DDX55: variants seen among roughly 807,000 people sequenced by gnomAD.
The protein encoded by DDX55 is ATP-dependent RNA helicase DDX55.
A neutral mutation model predicts 69.2 loss-of-function variants in DDX55; 56 were observed. The observed-to-expected ratio is 0.81, with a 90% CI of 0.65 to 1.01. DDX55 has a LOEUF of 1.01. DDX55 is among the 50% of genes least tolerant of loss of function. The probability of loss-of-function intolerance (pLI) is 0.00; values close to 1 mark genes in which losing one functional copy is unlikely to be tolerated. For missense variants in DDX55, 720 were observed against 745.1 expected (o/e 0.97, Z 0.39); for synonymous variants, 268 against 273.1 (o/e 0.98, Z 0.18).
intron 1 of DDX55, among the ~76,000 whole-genome samples, chr12:123,603,072 A>AG (rs1176503129): frequency 6.6e-6 from 1 of 152,170 alleles, no homozygotes; most frequent in African/African-American, 2.4e-5. Flanking sequence ...GAACATCAAG[A>AG]GTAGTGTAAG....
chr12:123,610,904 GTT>G (rs1257621466), intron 7 of DDX55, among the ~76,000 whole-genome samples: 2 of 115,566 alleles, frequency 1.7e-5, no homozygotes, highest in African/African-American at 7.4e-5. Flanking sequence ...TTTTTTGTTT[GTT>G]TTTTTTTGTT....
At position 123,615,165 on chromosome 12, in the gene DDX55, G is replaced by A. The variant is rs542484971; in HGVS notation, c.825-20G>A. On this transcript the variant is annotated intron_variant, in intron 8 of 13. Coordinates refer to ENST00000238146, the MANE Select transcript of DDX55 (RefSeq NM_020936.3). ...GGACCAAAGTGGCCAATGACTCTAA[G>A]CCCTCTGTCCCTCTTGCAGCACCTG... The A allele has an allele frequency of 1.2e-6, 2 of 1,613,652 alleles. No individual in the cohort carries two copies. The highest frequency in any genetic ancestry group is 1.1e-5 in the South Asian group (1 of 91,060).
At chr12:123,602,311 G>GCATCGGACCCACAGGAGGT in intron 1 of DDX55, 55 bp downstream of exon 1, 1 of 1,456,192 alleles carries the variant, frequency 6.9e-7, no homozygotes, top group South Asian at 1.3e-5. Flanking sequence ...GGCACCCGCT[G>GCATCGGACCCACAGGAGGT]CATCGGACCC....
At chr12:123,606,867 C>T (rs924408518) in intron 3 of DDX55, among the ~76,000 whole-genome samples, 3 of 152,138 alleles carry the variant, frequency 2.0e-5, no homozygotes, top group African/African-American at 7.2e-5. Context: ...TGAGCTACCG[C>T]GCCCGGCCAT....
chr12:123,618,240 G>A (rs1024462686), intron 11 of DDX55: 7 of 418,034 alleles, frequency 1.7e-5, no homozygotes, highest in Admixed American at 6.0e-5. Context: ...TTGAACTCCC[G>A]ACCTCAGGTG....
At chr12:123,602,647 G>T (rs992851051) in intron 1 of DDX55, among the ~76,000 whole-genome samples, 1 of 152,210 alleles carries the variant, frequency 6.6e-6, no homozygotes, top group South Asian at 2.1e-4. Flanking sequence ...CACACTATGG[G>T]AGCTCAGTAA....
rs1251181705 is a variant in DDX55, at chr12:123,619,476, A to G, written c.1378A>G (p.Met460Val). The G allele has an allele frequency of 6.2e-7, 1 of 1,613,886 alleles. No individual in the cohort carries two copies. Among genetic ancestry groups the G allele is most frequent in the Non-Finnish European group, 8.5e-7 (1 of 1,179,876 alleles). The change falls in exon 13 of 14, where the codon ATG becomes GTG. Residue 460 changes from methionine (M) to valine (V), a missense_variant. By Grantham distance (21) the Met-to-Val change is conservative (BLOSUM62 1). Coordinates refer to ENST00000238146, the MANE Select transcript of DDX55 (RefSeq NM_020936.3). ...SLARGFALLR[M>V]PKMPELRGKQ... Reference sequence around the variant, plus strand: ...TGCTCGAGGTTTTGCCCTGCTGAGGATGCCCAAGATGCCAGAATTGAGAGG... The same window carrying G: ...TGCTCGAGGTTTTGCCCTGCTGAGGGTGCCCAAGATGCCAGAATTGAGAGG...
intron 7 of DDX55, among the ~76,000 whole-genome samples, chr12:123,612,557 G>A (rs571376206): frequency 1.1e-3 from 173 of 152,206 alleles, no homozygotes; most frequent in African/African-American, 4.0e-3. Flanking sequence ...TCACCTTAGA[G>A]CAGTGACTTC....
chr12:123,607,556 G>A (rs1381173539), intron 4 of DDX55, 33 bp downstream of exon 4: 1 of 1,614,130 alleles, frequency 6.2e-7, no homozygotes, highest in Non-Finnish European at 8.5e-7. Flanking sequence ...GTTAGTCATG[G>A]GCTGTTTTGT....
chr12:123,608,682 G>C lies in DDX55; in HGVS notation c.404G>C (p.Gly135Ala), dbSNP rs1266709875. The C allele has an allele frequency of 6.2e-7, 1 of 1,612,476 alleles. No homozygotes were observed. Among genetic ancestry groups the C allele is most frequent in the South Asian group, 1.1e-5 (1 of 90,978 alleles). ...EDVERFKQQG[G>A]NIIVATPGRL... ...AAATGTTAACTTTCTTTCCAAAGTG[G>C]GAACATCATTGTGGCCACTCCAGGC... Residue 135 changes from glycine (G) to alanine (A), a missense_variant and splice_region_variant, in exon 6 of 14, where the codon GGG (glycine) becomes GCG (alanine). Physicochemically the swap from Gly to Ala is moderately conservative, Grantham distance 60. Transcript: ENST00000238146.
chr12:123,602,238 G>T lies in DDX55; in HGVS notation c.90G>T (p.Pro30=). The change falls in exon 1 of 14, where the codon CCG becomes CCT. Residue 30 remains proline, a synonymous_variant. Transcript: ENST00000238146. ...VLGALRELGF[P]YMTPVQSATI... is the part of the protein sequence containing the mutation. Reference sequence around the variant, plus strand: ...GCGCGCTGCGGGAGCTGGGCTTCCCGTACATGACGCCGGTGCAGGTATCGG... The same window carrying T: ...GCGCGCTGCGGGAGCTGGGCTTCCCTTACATGACGCCGGTGCAGGTATCGG... 2.6e-6 allele frequency: 4 copies of T among 1,567,370 alleles called. No homozygotes were observed. The highest frequency in any genetic ancestry group is 3.5e-6 in the Non-Finnish European group (4 of 1,159,110).
At chr12:123,616,459 G>A (rs1205930920) in intron 9 of DDX55, 52 bp from the exon 10 acceptor site, 1 of 1,532,968 alleles carries the variant, frequency 6.5e-7, no homozygotes, top group Non-Finnish European at 9.0e-7. Context: ...CTGTTTGATG[G>A]TGATGAAGAT....
intron 7 of DDX55, among the ~76,000 whole-genome samples, chr12:123,612,398 AATAGGATG>A (rs1286733290): frequency 6.6e-6 from 1 of 152,196 alleles, no homozygotes; most frequent in African/African-American, 2.4e-5. Flanking sequence ...TTTTGGTAAA[AATAGGATG>A]AATGCATTCA....
chr12:123,607,656 A>G lies in DDX55; in HGVS notation c.395A>G (p.Gln132Arg). 1 of 1,614,154 alleles carries G rather than the reference A, an allele frequency of 6.2e-7. No individual in the cohort carries two copies. Among genetic ancestry groups the G allele is most frequent in the Non-Finnish European group, 8.5e-7 (1 of 1,180,028 alleles). ...NPGEDVERFK[Q>R]QGGNIIVATP... ...GGAGAAGATGTTGAGAGGTTTAAGC[A>G]ACAAGGGTGAGTTTGCTCGTGTCTG... is the stretch of plus-strand genomic sequence containing the variant. The change falls in exon 5 of 14, where the codon CAA (glutamine) becomes CGA (arginine). Residue 132 changes from glutamine to arginine, a missense_variant. Coordinates refer to ENST00000238146, the MANE Select transcript of DDX55 (RefSeq NM_020936.3).
chr12:123,608,320 TG>T (rs1270427507), intron 5 of DDX55: 1 of 182,452 alleles, frequency 5.5e-6, no homozygotes, highest in Non-Finnish European at 1.2e-5. Flanking sequence ...GTGAACCATA[TG>T]GTCTCCATCG....
At chr12:123,611,368 A>G (rs1954227803) in intron 7 of DDX55, among the ~76,000 whole-genome samples, 1 of 152,216 alleles carries the variant, frequency 6.6e-6, no homozygotes, top group African/African-American at 2.4e-5. Flanking sequence ...AAATGTAGAG[A>G]GCACAGGCTG....
In DDX55 at chr12:123,607,673, T is replaced by C. The variant is rs1219474446; in HGVS notation, c.401+11T>C. On this transcript the variant is annotated intron_variant, in intron 5 of 13. Transcript: ENST00000238146. ...GTTTAAGCAACAAGGGTGAGTTTGC[T>C]CGTGTCTGCTTGTTTCTTTGCTTGC... is the stretch of plus-strand genomic sequence containing the variant. The C allele has an allele frequency of 4.3e-6, 7 of 1,614,130 alleles. No individual in the cohort carries two copies. Among genetic ancestry groups the C allele is most frequent in the Non-Finnish European group, 5.9e-6 (7 of 1,180,020 alleles).
Position 123,615,841 on chromosome 12 carries a change from GC to G in DDX55, c.956+526del, listed in dbSNP as rs568725291. On this transcript the variant is annotated intron_variant, in intron 9 of 13. Coordinates refer to ENST00000238146, the MANE Select transcript of DDX55 (RefSeq NM_020936.3). Reference sequence around the variant, plus strand: ...CTACTAAAAACAAAAAATTAGTCGGGCATGGTGGCTGGCGCCTGTAGTCCCA... The same window carrying G: ...CTACTAAAAACAAAAAATTAGTCGGGATGGTGGCTGGCGCCTGTAGTCCCA... Among the ~76,000 whole-genome samples the G allele has an allele frequency of 1.1e-4, 17 of 152,294 alleles. No homozygotes were observed. In the East Asian group the frequency reaches 3.1e-3, roughly 28 times the overall value.
At chr12:123,610,527 A>T (rs1954148039) in intron 7 of DDX55, among the ~76,000 whole-genome samples, 1 of 151,920 alleles carries the variant, frequency 6.6e-6, no homozygotes, top group Non-Finnish European at 1.5e-5. Flanking sequence ...ACTCACTCCT[A>T]AGGAGACTTT....
Sources: gnomAD v4.1 joint callset for allele counts (sites outside exome capture counted in the v4.1 genomes callset) on GRCh38, gnomAD v4.1.1 for gene constraint, MANE v1.5 for transcripts, NCBI Gene and HGNC (gene_info 2026-07-23, HGNC 2026-07-21) for gene names.